The following HACL2 variants were observed in gnomAD, a reference collection of about 807,000 sequenced individuals.
The protein encoded by HACL2 is 2-hydroxyacyl-CoA lyase 1 like.
chr19:15,119,158 A>G, the HACL2 span: 34 of 1,543,740 alleles, frequency 2.2e-5, 1 homozygote, highest in Admixed American at 6.2e-4. Flanking sequence ...GAAGAGGCTC[A>G]GGCCCACCTG....
the HACL2 span, chr19:15,115,234 G>A: frequency 2.9e-5 from 47 of 1,613,704 alleles, no homozygotes; most frequent in African/African-American, 2.8e-4. Flanking sequence ...GCAGCCAAGC[G>A]TCCTGACCCA....
At chr19:15,123,953 C>G in the HACL2 span, 1 of 228,696 alleles carries the variant, frequency 4.4e-6, no homozygotes, top group African/African-American at 2.2e-5. The surrounding 1 kb of genome is among the most constrained non-coding windows in gnomAD (Gnocchi z 5.1). Flanking sequence ...GCACAACGCA[C>G]GCAGAGCAGA....
At chr19:15,115,625 A>G in the HACL2 span, 2 of 1,613,968 alleles carry the variant, frequency 1.2e-6, no homozygotes. Flanking sequence ...CTCCCGAGAA[A>G]TCTGTGTCCA....
At chr19:15,122,600 C>A in the HACL2 span, 1 of 1,056,666 alleles carries the variant, frequency 9.5e-7, no homozygotes. The surrounding 1 kb of genome is among the most constrained non-coding windows in gnomAD (Gnocchi z 4.0). Context: ...TCCTCCCAGT[C>A]CACATGTGAA....
At chr19:15,119,598 TAG>T in the HACL2 span, 2 of 1,181,746 alleles carry the variant, frequency 1.7e-6, no homozygotes, top group African/African-American at 3.1e-5. Flanking sequence ...TTGCCCAGGA[TAG>T]AGTGTAATGG....
chr19:15,125,027 C>T, the HACL2 span: 4 of 1,572,336 alleles, frequency 2.5e-6, no homozygotes, highest in African/African-American at 5.4e-5. Context: ...GGAATAAGCT[C>T]CCAGCGGGGG....
chr19:15,116,441 C>G, the HACL2 span: 4 of 1,613,900 alleles, frequency 2.5e-6, no homozygotes, highest in Non-Finnish European at 3.4e-6. Context: ...GTCGGCTTCC[C>G]GCAGCTCCTC....
the HACL2 span, chr19:15,116,576 A>G: frequency 3.5e-6 from 5 of 1,429,992 alleles, no homozygotes; most frequent in South Asian, 2.3e-5. Context: ...CTGTTCTTCC[A>G]GCATCAGAGG....
the HACL2 span, chr19:15,125,323 C>T: frequency 2.0e-5 from 10 of 503,740 alleles, no homozygotes; most frequent in Admixed American, 7.7e-5. Context: ...CCCACCCAAA[C>T]TAGCCACCAC....
chr19:15,117,598 G>A, the HACL2 span: 1 of 282,774 alleles, frequency 3.5e-6, no homozygotes, highest in African/African-American at 2.2e-5. Flanking sequence ...GATTGCTTTT[G>A]AGCCTGGGAG....
At chr19:15,119,891 G>C in the HACL2 span, 1 of 858,652 alleles carries the variant, frequency 1.2e-6, no homozygotes, top group Non-Finnish European at 1.8e-6. Flanking sequence ...CCAAGATTAA[G>C]GCCCCAGTAC....
At chr19:15,122,587 G>T in the HACL2 span, 1 of 922,044 alleles carries the variant, frequency 1.1e-6, no homozygotes, top group Non-Finnish European at 1.7e-6. This position sits in a 1 kb window ranked among gnomAD's most constrained non-coding sequence, Gnocchi z 4.0. Context: ...CCCCCCAGCT[G>T]TCTCCTCCCA....
At chr19:15,122,940 C>T in the HACL2 span, 1 of 1,605,714 alleles carries the variant, frequency 6.2e-7, no homozygotes, top group Non-Finnish European at 8.5e-7. This position sits in a 1 kb window ranked among gnomAD's most constrained non-coding sequence, Gnocchi z 4.0. Flanking sequence ...AGGGTGGGCA[C>T]AATGTCCCGC....
At chr19:15,122,773 C>T in the HACL2 span, 1 of 1,614,158 alleles carries the variant, frequency 6.2e-7, no homozygotes, top group Non-Finnish European at 8.5e-7. The surrounding 1 kb of genome is among the most constrained non-coding windows in gnomAD (Gnocchi z 4.0). Flanking sequence ...AGGGGTACAG[C>T]ACGTCAACGG....
At chr19:15,120,130 C>G in the HACL2 span, 1 of 1,206,524 alleles carries the variant, frequency 8.3e-7, no homozygotes, top group Admixed American at 2.1e-5. Flanking sequence ...TAACTAACTA[C>G]AAGGATTCCA....
the HACL2 span, chr19:15,118,033 A>T: frequency 1.2e-6 from 2 of 1,613,854 alleles, no homozygotes; most frequent in Non-Finnish European, 8.5e-7. Context: ...GGGGGACAGG[A>T]ATGCAGTAGG....
chr19:15,121,340 G>A, the HACL2 span, among the ~76,000 whole-genome samples: 2 of 152,286 alleles, frequency 1.3e-5, no homozygotes, highest in Middle Eastern at 3.4e-3. Flanking sequence ...CGGAGTACAG[G>A]AGCCTGACTA....
At chr19:15,121,540 G>A in the HACL2 span, among the ~76,000 whole-genome samples, 2 of 152,098 alleles carry the variant, frequency 1.3e-5, no homozygotes, top group African/African-American at 4.8e-5. Context: ...AAGAGGCCAG[G>A]CGCAGTGGCT....
the HACL2 span, chr19:15,124,868 A>G: frequency 6.4e-7 from 1 of 1,552,208 alleles, no homozygotes. Context: ...AAGCAGCACC[A>G]CGAGGCCCCT....
Sources: allele counts gnomAD v4.1 joint callset (sites outside exome capture counted in the v4.1 genomes callset), GRCh38; gene constraint gnomAD v4.1.1; non-coding constraint Gnocchi (gnomAD v3.1); transcripts MANE v1.5; gene names NCBI Gene and HGNC (gene_info 2026-07-23, HGNC 2026-07-21).